The following LUZP2 variants were observed in gnomAD, a reference collection of about 807,000 sequenced individuals.
LUZP2 encodes the protein leucine zipper protein 2.
A neutral mutation model predicts 51.6 loss-of-function variants in LUZP2; 52 were observed. That is an observed-to-expected ratio of 1.01 (90% CI 0.81 to 1.27). The LOEUF (loss-of-function observed/expected upper bound fraction) is 1.27. LUZP2 is among the 50% of genes most tolerant of loss of function. LUZP2 has a pLI of 0.00. For synonymous variants in LUZP2, 154 were observed against 137.3 expected (o/e 1.12, Z -0.85); for missense variants, 436 against 395.4 (o/e 1.10, Z -0.87).
intron 5 of LUZP2, among the ~76,000 whole-genome samples, chr11:24,795,056 A>T (rs890709051): frequency 6.6e-6 from 1 of 152,106 alleles, no homozygotes; most frequent in African/African-American, 2.4e-5. Flanking sequence ...TAACTTCTTA[A>T]CCCATTTCAC....
chr11:24,613,021 C>A (rs1190413722), intron 1 of LUZP2, among the ~76,000 whole-genome samples: 1 of 152,058 alleles, frequency 6.6e-6, no homozygotes, highest in Non-Finnish European at 1.5e-5. Flanking sequence ...AACAAATGTC[C>A]ATGCCAACTC....
intron 1 of LUZP2, among the ~76,000 whole-genome samples, chr11:24,670,837 G>T (rs974173301): frequency 6.6e-6 from 1 of 151,612 alleles, no homozygotes; most frequent in African/African-American, 2.4e-5. Context: ...CCTTTTCTAG[G>T]ATTCCTGACA....
intron 5 of LUZP2, among the ~76,000 whole-genome samples, chr11:24,903,464 T>C (rs749880125): frequency 3.3e-5 from 5 of 152,100 alleles, no homozygotes; most frequent in Non-Finnish European, 5.9e-5. Context: ...GAAAACAAAA[T>C]AAAAAACCCT....
At position 24,639,026 on chromosome 11, in the gene LUZP2, C is replaced by A. The variant is rs917279386; in HGVS notation, c.63-90143C>A. 7.9e-5 allele frequency among the ~76,000 whole-genome samples: 12 copies of A among 151,858 alleles called. No individual in the cohort carries two copies. In the East Asian group the frequency reaches 2.3e-3, roughly 29 times the overall value. On this transcript the variant is annotated intron_variant, in intron 1 of 11. Transcript: ENST00000336930. Reference sequence around the variant, plus strand: ...AAAAACTTGTCAAAGACCTGTTATACTAAAAGCTCTAGACTCTTACCTTCT... The same window carrying A: ...AAAAACTTGTCAAAGACCTGTTATAATAAAAGCTCTAGACTCTTACCTTCT...
intron 9 of LUZP2, among the ~76,000 whole-genome samples, chr11:25,007,694 T>A (rs1031202004): frequency 1.3e-5 from 2 of 152,168 alleles, no homozygotes; most frequent in Non-Finnish European, 2.9e-5. Flanking sequence ...AGAGTTGGTG[T>A]TTACTGTTAT....
chr11:24,544,690 G>A (rs1463404928), intron 1 of LUZP2, among the ~76,000 whole-genome samples: 1 of 152,024 alleles, frequency 6.6e-6, no homozygotes, highest in African/African-American at 2.4e-5. Flanking sequence ...CCTCTGATAA[G>A]CATTAAGGTT....
chr11:25,044,348 A>G (rs1482171976), intron 9 of LUZP2, among the ~76,000 whole-genome samples: 6 of 142,050 alleles, frequency 4.2e-5, no homozygotes, highest in Non-Finnish European at 7.6e-5. Context: ...TATTCCTTTC[A>G]CTCCAATATA....
At chr11:24,586,627 C>A (rs1187796977) in intron 1 of LUZP2, among the ~76,000 whole-genome samples, 3 of 151,910 alleles carry the variant, frequency 2.0e-5, no homozygotes, top group Non-Finnish European at 4.4e-5. Context: ...TAATAAAATA[C>A]AAGTGACCTT....
At chr11:24,579,924 A>T (rs556591246) in intron 1 of LUZP2, among the ~76,000 whole-genome samples, 1 of 152,276 alleles carries the variant, frequency 6.6e-6, no homozygotes, top group Non-Finnish European at 1.5e-5. Context: ...CTAAGCAAGA[A>T]CTATGGTAAT....
chr11:24,804,927 C>T (rs796416162), intron 5 of LUZP2, among the ~76,000 whole-genome samples: 60 of 152,100 alleles, frequency 3.9e-4, no homozygotes, highest in African/African-American at 1.4e-3. Flanking sequence ...GCAACCTCTG[C>T]CTCCCAGGTT....
chr11:24,997,017 A>G (rs1315988940), intron 9 of LUZP2, among the ~76,000 whole-genome samples: 3 of 149,738 alleles, frequency 2.0e-5, no homozygotes, highest in South Asian at 2.2e-4. Context: ...CCAGTCTATC[A>G]TTGTTGGACA....
chr11:25,008,165 G>A lies in LUZP2; in HGVS notation c.765+24872G>A, dbSNP rs139087072. ...CTCTGCCCACTCGGCCTATTGGGCTGCACTCAGCTCATGCTACTGGCCTGG... is the reference window on the plus strand; with the variant it reads ...CTCTGCCCACTCGGCCTATTGGGCTACACTCAGCTCATGCTACTGGCCTGG... On this transcript the variant is annotated intron_variant, in intron 9 of 11. Transcript: ENST00000336930. 9.2e-3 allele frequency among the ~76,000 whole-genome samples: 1,406 copies of A among 152,312 alleles called. 29 individuals carry two copies. Among genetic ancestry groups the A allele is most frequent in the African/African-American group, 0.032 (1,333 of 41,566 alleles).
chr11:24,653,121 G>C (rs1331542026), intron 1 of LUZP2, among the ~76,000 whole-genome samples: 2 of 152,128 alleles, frequency 1.3e-5, no homozygotes. Context: ...TCTGAGAATA[G>C]ACTCTCAGTG....
At chr11:24,556,266 T>A (rs12276298) in intron 1 of LUZP2, among the ~76,000 whole-genome samples, 1 of 151,868 alleles carries the variant, frequency 6.6e-6, no homozygotes, top group Non-Finnish European at 1.5e-5. Flanking sequence ...TGTGAAGAAC[T>A]ATGCCATTCA....
intron 10 of LUZP2, among the ~76,000 whole-genome samples, chr11:25,051,873 T>G (rs570205853): frequency 6.6e-6 from 1 of 152,326 alleles, no homozygotes; most frequent in African/African-American, 2.4e-5. Context: ...CATTCTGGTC[T>G]ACTTTTCTTA....
intron 5 of LUZP2, among the ~76,000 whole-genome samples, chr11:24,774,362 C>CTCTCTCTCTCTATATATATA (rs776739280): frequency 9.6e-4 from 73 of 76,316 alleles, no homozygotes; most frequent in East Asian, 5.3e-3. Context: ...CTCTCTCTCT[C>CTCTCTCTCTCTATATATATA]TATATATATA....
intron 1 of LUZP2, among the ~76,000 whole-genome samples, chr11:24,674,177 A>G (rs1224124373): frequency 6.6e-6 from 1 of 151,996 alleles, no homozygotes; most frequent in African/African-American, 2.4e-5. Context: ...GAATTAGTAG[A>G]CTCATTTTAC....
At chr11:24,812,965 A>G (rs1259735501) in intron 5 of LUZP2, among the ~76,000 whole-genome samples, 1 of 152,206 alleles carries the variant, frequency 6.6e-6, no homozygotes, top group African/African-American at 2.4e-5. Context: ...GGTGCACTTA[A>G]TACCATGCCA....
chr11:24,550,550 A>T (rs780147116), intron 1 of LUZP2, among the ~76,000 whole-genome samples: 1 of 152,106 alleles, frequency 6.6e-6, no homozygotes, highest in Non-Finnish European at 1.5e-5. Context: ...TTATAGAGGC[A>T]GGAAATATAT....
Sources: gnomAD v4.1 joint callset for allele counts (sites outside exome capture counted in the v4.1 genomes callset) on GRCh38, gnomAD v4.1.1 for gene constraint, MANE v1.5 for transcripts, NCBI Gene and HGNC (gene_info 2026-07-23, HGNC 2026-07-21) for gene names.